PWWP2B: variants seen among roughly 807,000 people sequenced by gnomAD.
The protein encoded by PWWP2B is PWWP domain-containing protein 2B.
PWWP2B carries 9 observed loss-of-function variants against 15.5 expected under a neutral mutation model. The ratio of observed to expected loss-of-function variants is 0.58; its 90% CI spans 0.35 to 1.02. PWWP2B has a LOEUF of 1.02. Among genes scored for constraint, PWWP2B ranks in the 50% least tolerant of loss-of-function variants. The pLI is 0.02. For missense variants in PWWP2B, 864 were observed against 865.3 expected (o/e 1.00, Z 0.02); for synonymous variants, 474 against 403.6 (o/e 1.17, Z -2.09).
chr10:132,403,862 G>GATGGGCAGGGAGGACCTTCCAGGGTGT (rs1554906511), intron 1 of PWWP2B, among the ~76,000 whole-genome samples: 2 of 152,076 alleles, frequency 1.3e-5, no homozygotes, highest in African/African-American at 4.8e-5. Context: ...GAGGGTGCCA[G>GATGGGCAGGGAGGACCTTCCAGGGTGT]GTGGGCAGAT....
chr10:132,403,289 G>A (rs1483545748), intron 1 of PWWP2B, among the ~76,000 whole-genome samples: 3 of 152,016 alleles, frequency 2.0e-5, no homozygotes, highest in Non-Finnish European at 4.4e-5. Context: ...CCTCCCCGGC[G>A]AGTCGCAATG....
At chr10:132,414,253 T>C (rs1329715005) in intron 2 of PWWP2B, among the ~76,000 whole-genome samples, 13 of 152,226 alleles carry the variant, frequency 8.5e-5, no homozygotes. Context: ...ATGAGGATAG[T>C]GGCTGATGGA....
chr10:132,411,558 G>A (rs1442769972), intron 2 of PWWP2B, among the ~76,000 whole-genome samples: 14 of 152,260 alleles, frequency 9.2e-5, no homozygotes, highest in Non-Finnish European at 1.8e-4. Flanking sequence ...TGGGGCAAGG[G>A]AGGGACCCAC....
intron 2 of PWWP2B, among the ~76,000 whole-genome samples, chr10:132,413,156 A>G (rs1232780832): frequency 6.6e-6 from 1 of 152,228 alleles, no homozygotes; most frequent in Admixed American, 6.5e-5. Context: ...GCTAGGATTC[A>G]CTTTTGTGTC....
chr10:132,399,959 CT>C (rs1339983787), intron 1 of PWWP2B, among the ~76,000 whole-genome samples: 1 of 152,210 alleles, frequency 6.6e-6, no homozygotes, highest in Admixed American at 6.5e-5. Flanking sequence ...CAGACACAGA[CT>C]GCTGGAAAGG....
chr10:132,406,110 C>T lies in PWWP2B; in HGVS notation c.1610C>T (p.Ser537Leu). 1.9e-6 allele frequency: 3 copies of T among 1,613,830 alleles called. No individual in the cohort carries two copies. The highest frequency in any genetic ancestry group is 2.5e-6 in the Non-Finnish European group (3 of 1,179,996). Residue 537 changes from serine (S) to leucine (L), a missense_variant, in exon 2 of 3, where the codon TCG becomes TTG. Coordinates refer to ENST00000305233, the MANE Select transcript of PWWP2B (RefSeq NM_138499.4). ...KVSWFGSPTT[S>L]FLSISKLSPF... ...TCGTGGTTTGGTTCTCCGACTACGTCGTTCTTGTCTATTTCAAAACTCTCC... is the reference window on the plus strand; with the variant it reads ...TCGTGGTTTGGTTCTCCGACTACGTTGTTCTTGTCTATTTCAAAACTCTCC...
intron 2 of PWWP2B, among the ~76,000 whole-genome samples, chr10:132,415,623 A>T (rs1590768143): frequency 7.0e-6 from 1 of 142,864 alleles, no homozygotes; most frequent in Non-Finnish European, 1.5e-5. Context: ...ACATCCAATC[A>T]CACATCCACT....
In PWWP2B at chr10:132,405,088, C is replaced by T. The variant is rs761809714; in HGVS notation, c.588C>T (p.Ala196=). 7 of 1,530,702 alleles carry T rather than the reference C, an allele frequency of 4.6e-6. No individual in the cohort carries two copies. The highest frequency in any genetic ancestry group is 6.1e-6 in the Non-Finnish European group (7 of 1,139,840). The allele number at this position is 1,530,702 out of a possible 1,614,324, so 94.8% of individuals were successfully genotyped here. The change falls in exon 2 of 3, where the codon GCC becomes GCT. Residue 196 remains alanine, a synonymous_variant. Transcript: ENST00000305233. The part of the protein sequence containing the change: ...SPPEASPGPP[A]APRARRRLGS... The stretch of plus-strand genomic sequence containing the variant: ...CGGAGGCCAGCCCCGGACCCCCAGC[C>T]GCGCCCAGGGCCCGCAGGAGGCTGG...
chr10:132,413,227 A>G (rs1333534365), intron 2 of PWWP2B, among the ~76,000 whole-genome samples: 2 of 152,288 alleles, frequency 1.3e-5, no homozygotes, highest in African/African-American at 4.8e-5. Context: ...GTAAAGGTTA[A>G]TATATCTATA....
Position 132,417,243 on chromosome 10 carries a change from C to T in PWWP2B, c.*199C>T. 1.4e-6 allele frequency: 1 copy of T among 718,452 alleles called. No individual in the cohort carries two copies. Among genetic ancestry groups the T allele is most frequent in the Non-Finnish European group, 2.4e-6 (1 of 411,622 alleles). 44.5% of individuals were successfully genotyped at this position (718,452 alleles called of 1,614,324 possible). ...ATGGCCCTGAGCCCAGCGGCTCCTC[C>T]CGCTGAGTGTATTTCTTCCCACCAC... On this transcript the variant is annotated 3_prime_UTR_variant, in exon 3 of 3. Coordinates refer to ENST00000305233, the MANE Select transcript of PWWP2B (RefSeq NM_138499.4).
intron 1 of PWWP2B, among the ~76,000 whole-genome samples, chr10:132,400,996 C>T (rs895527635): frequency 6.6e-6 from 1 of 152,232 alleles, no homozygotes; most frequent in African/African-American, 2.4e-5. Context: ...CTTGGGCAGG[C>T]AGCCAGGGCT....
chr10:132,404,145 C>T (rs947480622), intron 1 of PWWP2B, among the ~76,000 whole-genome samples: 4 of 152,136 alleles, frequency 2.6e-5, no homozygotes, highest in African/African-American at 9.7e-5. Context: ...CGTTGCCTGG[C>T]CCTAGGGGTT....
Position 132,405,253 on chromosome 10 carries a change from G to A in PWWP2B, c.753G>A (p.Pro251=), listed in dbSNP as rs764654449. 9.9e-6 allele frequency: 16 copies of A among 1,610,114 alleles called. No homozygotes were observed. In the East Asian group the frequency reaches 1.1e-4, roughly 11 times the overall value. Residue 251 remains proline (P), a synonymous_variant, in exon 2 of 3, where the codon CCG becomes CCA. Coordinates refer to ENST00000305233, the MANE Select transcript of PWWP2B (RefSeq NM_138499.4). ...RAPAEQVPRS[P]VIKISYSTPQ... is the part of the protein sequence containing the mutation. ...CGGCAGAGCAGGTCCCGCGGAGCCCGGTCATCAAGATCTCCTACAGCACGC... is the reference window on the plus strand; with the variant it reads ...CGGCAGAGCAGGTCCCGCGGAGCCCAGTCATCAAGATCTCCTACAGCACGC...
chr10:132,409,061 C>T (rs372242750), intron 2 of PWWP2B, among the ~76,000 whole-genome samples: 8 of 152,346 alleles, frequency 5.3e-5, no homozygotes, highest in East Asian at 1.9e-4. Flanking sequence ...TTGTCCCAGC[C>T]GGTCACCTGC....
At chr10:132,400,871 G>A (rs2069606482) in intron 1 of PWWP2B, among the ~76,000 whole-genome samples, 1 of 152,250 alleles carries the variant, frequency 6.6e-6, no homozygotes, top group Non-Finnish European at 1.5e-5. Flanking sequence ...GGTCCAGGGT[G>A]AATGTGGGCC....
At chr10:132,415,012 T>A (rs2069825975) in intron 2 of PWWP2B, among the ~76,000 whole-genome samples, 1 of 152,266 alleles carries the variant, frequency 6.6e-6, no homozygotes, top group African/African-American at 2.4e-5. Context: ...GTGTCAATCT[T>A]ACTATGTACA....
At chr10:132,408,836 GC>G (rs539141117) in intron 2 of PWWP2B, among the ~76,000 whole-genome samples, 142 of 152,376 alleles carry the variant, frequency 9.3e-4, no homozygotes, top group Admixed American at 2.0e-3. Flanking sequence ...GTAGGCGGAT[GC>G]CCCACAGACC....
At chr10:132,397,880 C>T (rs917820993) in intron 1 of PWWP2B, among the ~76,000 whole-genome samples, 3 of 152,110 alleles carry the variant, frequency 2.0e-5, no homozygotes, top group Non-Finnish European at 2.9e-5. Context: ...CCAGGGAGCC[C>T]TGAGTCATGG....
At chr10:132,413,420 C>G (rs1388305396) in intron 2 of PWWP2B, among the ~76,000 whole-genome samples, 1 of 152,162 alleles carries the variant, frequency 6.6e-6, no homozygotes, top group East Asian at 1.9e-4. Context: ...CAGTGAACGC[C>G]TGAGCTCGCC....
Sources: gnomAD v4.1 joint callset for allele counts (sites outside exome capture counted in the v4.1 genomes callset) on GRCh38, gnomAD v4.1.1 for gene constraint, MANE v1.5 for transcripts, NCBI Gene and HGNC (gene_info 2026-07-23, HGNC 2026-07-21) for gene names.